CAMK2A: variants seen among roughly 807,000 people sequenced by gnomAD.
CAMK2A encodes calcium/calmodulin-dependent protein kinase type II subunit alpha.
CAMK2A carries 7 observed loss-of-function variants against 79.2 expected under a neutral mutation model. The observed-to-expected ratio is 0.09, with a 90% CI of 0.05 to 0.17. The LOEUF (loss-of-function observed/expected upper bound fraction) is 0.17, where lower values mean the gene tolerates loss of function less well. Among genes scored for constraint, CAMK2A ranks in the 10% least tolerant of loss-of-function variants. The probability of loss-of-function intolerance (pLI) is 1.00; values close to 1 mark genes in which losing one functional copy is unlikely to be tolerated. For synonymous variants in CAMK2A, 242 were observed against 251.7 expected (o/e 0.96, Z 0.36); for missense variants, 214 against 646.4 (o/e 0.33, Z 7.25).
intron 17 of CAMK2A, among the ~76,000 whole-genome samples, chr5:150,227,751 C>G (rs1012002066): frequency 1.3e-5 from 2 of 152,242 alleles, no homozygotes; most frequent in Non-Finnish European, 2.9e-5. Context: ...TGCCCACCCA[C>G]AGAGGGCACT....
At chr5:150,288,603 T>TC (rs749686559) in intron 1 of CAMK2A, among the ~76,000 whole-genome samples, 1 of 151,678 alleles carries the variant, frequency 6.6e-6, no homozygotes, top group Non-Finnish European at 1.5e-5. Flanking sequence ...CCAGGGCCCC[T>TC]CCCCCCGTGC....
chr5:150,222,809 T>C (rs2114010955), intron 18 of CAMK2A, 96 bp from the exon 19 acceptor site: 2 of 1,492,020 alleles, frequency 1.3e-6, no homozygotes, highest in African/African-American at 2.8e-5. Context: ...ATGCGGTCCC[T>C]GGTGGCTCCT....
At chr5:150,286,580 G>A (rs1360915692) in intron 1 of CAMK2A, among the ~76,000 whole-genome samples, 2 of 152,236 alleles carry the variant, frequency 1.3e-5, no homozygotes, top group African/African-American at 4.8e-5. Flanking sequence ...CAACCTGGCT[G>A]CCTTTTCCAG....
intron 15 of CAMK2A, among the ~76,000 whole-genome samples, chr5:150,238,127 T>C (rs1266351830): frequency 1.3e-5 from 2 of 152,220 alleles, no homozygotes; most frequent in Admixed American, 6.5e-5. Context: ...TAAATTTTTC[T>C]CTAATACACA....
chr5:150,272,615 A>T (rs1026340563), intron 2 of CAMK2A, among the ~76,000 whole-genome samples: 1 of 151,290 alleles, frequency 6.6e-6, no homozygotes, highest in Middle Eastern at 3.5e-3. Flanking sequence ...AAAATGGAGG[A>T]GGCCTCATCA....
chr5:150,258,587 T>C (rs1756164032), intron 3 of CAMK2A, among the ~76,000 whole-genome samples: 1 of 152,238 alleles, frequency 6.6e-6, no homozygotes, highest in Non-Finnish European at 1.5e-5. Context: ...AGTTTATATA[T>C]GGCATAAGTC....
Position 150,231,346 on chromosome 5 carries a change from C to T in CAMK2A, c.1101G>A (p.Gln367=). The change falls in exon 16 of 19, where the codon CAG becomes CAA. Residue 367 remains glutamine (Q), a synonymous_variant. Coordinates refer to ENST00000671881, the MANE Select transcript of CAMK2A (RefSeq NM_015981.4). ...RKQEIIKVTE[Q]LIEAISNGDF... ...CTCCATTGCTTATGGCTTCAATCAG[C>T]TGCTCTGTCACTTTTATAATTTCCT... 1 of 1,591,674 alleles carries T rather than the reference C, an allele frequency of 6.3e-7. No individual in the cohort carries two copies. The highest frequency in any genetic ancestry group is 8.6e-7 in the Non-Finnish European group (1 of 1,169,408).
intron 17 of CAMK2A, among the ~76,000 whole-genome samples, chr5:150,225,038 T>TA (rs1754524061): frequency 6.3e-5 from 5 of 79,996 alleles, no homozygotes; most frequent in Non-Finnish European, 1.2e-4. Context: ...ACCTGGTAGG[T>TA]AGGGAGAGAG....
chr5:150,231,213 A>C, intron 16 of CAMK2A, 92 bp downstream of exon 16: 1 of 585,290 alleles, frequency 1.7e-6, no homozygotes. Context: ...TGAGTGGATG[A>C]GGATCGGAGA....
chr5:150,225,696 A>T (rs1462422684), intron 17 of CAMK2A, among the ~76,000 whole-genome samples: 1 of 152,080 alleles, frequency 6.6e-6, no homozygotes, highest in African/African-American at 2.4e-5. Flanking sequence ...TGATAGGGAC[A>T]TATGGGGTCC....
At position 150,222,388 on chromosome 5, in the gene CAMK2A, C is replaced by T; in HGVS notation, c.*322G>A. 2 of 646,172 alleles carry T rather than the reference C, an allele frequency of 3.1e-6. No homozygotes were observed. The highest frequency in any genetic ancestry group is 5.4e-5 in the East Asian group (2 of 36,858). The allele number at this position is 646,172 out of a possible 1,614,324, so 40.0% of individuals were successfully genotyped here. ...TGGGCACCAGCCCGGGCATTCTAGC[C>T]TACAGCCCAAGACAGATCAGGCGGA... On this transcript the variant is annotated 3_prime_UTR_variant, in exon 19 of 19. Transcript: ENST00000671881.
At chr5:150,228,054 C>A (rs947900009) in intron 17 of CAMK2A, 138 bp downstream of exon 17, 11 of 655,676 alleles carry the variant, frequency 1.7e-5, no homozygotes, top group Admixed American at 3.0e-5. Context: ...AGGGTACCAA[C>A]CCCAGTCCAC....
intron 3 of CAMK2A, among the ~76,000 whole-genome samples, chr5:150,258,087 G>A (rs1756138408): frequency 6.6e-6 from 1 of 152,260 alleles, no homozygotes; most frequent in East Asian, 1.9e-4. Context: ...TGCTCACTCA[G>A]TGCTGCCTGA....
intron 1 of CAMK2A, among the ~76,000 whole-genome samples, chr5:150,288,469 C>T (rs941459756): frequency 3.9e-5 from 6 of 152,150 alleles, no homozygotes; most frequent in Non-Finnish European, 8.8e-5. Context: ...TGGCAGGGCA[C>T]ACCAGCGTAC....
chr5:150,228,505 T>G (rs1754703939), intron 16 of CAMK2A, among the ~76,000 whole-genome samples: 1 of 152,228 alleles, frequency 6.6e-6, no homozygotes, highest in Non-Finnish European at 1.5e-5. Context: ...GCCCTGGCTC[T>G]GCCAATGGCT....
intron 17 of CAMK2A, among the ~76,000 whole-genome samples, chr5:150,224,898 C>T (rs1754516536): frequency 6.6e-6 from 1 of 152,032 alleles, no homozygotes; most frequent in South Asian, 2.1e-4. Context: ...CAGTGACTCA[C>T]TCCTGTAATT....
chr5:150,260,017 G>T lies in CAMK2A; in HGVS notation c.218-2400C>A, dbSNP rs1157094047. Among the ~76,000 whole-genome samples, 3 of 152,052 alleles carry T rather than the reference G, an allele frequency of 2.0e-5. No individual in the cohort carries two copies. In the East Asian group the frequency reaches 5.8e-4, roughly 29 times the overall value. ...AAAAAAAATTCAAACATACAGTTAAGTGAACACCCAGATATCCACTACCTA... is the reference window on the plus strand; with the variant it reads ...AAAAAAAATTCAAACATACAGTTAATTGAACACCCAGATATCCACTACCTA... On this transcript the variant is annotated intron_variant, in intron 3 of 18. Transcript: ENST00000671881.
rs1327105707 is a variant in CAMK2A at position 150,221,273 on chromosome 5, A to T, written c.*1437T>A. The stretch of plus-strand genomic sequence containing the variant: ...GGATGTGCCAAGGTATTCCACTCAG[A>T]GTCAATCCCAGGGAAAGAGGGAAAG... On this transcript the variant is annotated 3_prime_UTR_variant, in exon 19 of 19. Transcript: ENST00000671881. 2.5e-6 allele frequency: 1 copy of T among 397,414 alleles called. No homozygotes were observed. The highest frequency in any genetic ancestry group is 4.4e-6 in the Non-Finnish European group (1 of 225,622). 24.6% of individuals were successfully genotyped at this position (397,414 alleles called of 1,614,324 possible).
At chr5:150,288,488 C>T (rs1477960724) in intron 1 of CAMK2A, among the ~76,000 whole-genome samples, 2 of 152,156 alleles carry the variant, frequency 1.3e-5, no homozygotes, top group African/African-American at 4.8e-5. Context: ...ACCCCAGTGT[C>T]ACAAGCAATT....
Sources: allele counts gnomAD v4.1 joint callset (sites outside exome capture counted in the v4.1 genomes callset), GRCh38; gene constraint gnomAD v4.1.1; transcripts MANE v1.5; gene names NCBI Gene and HGNC (gene_info 2026-07-23, HGNC 2026-07-21).